RNF150: variants seen among roughly 807,000 people sequenced by gnomAD.
RNF150 encodes the protein ring finger protein 150.
A neutral mutation model predicts 39.3 loss-of-function variants in RNF150; 24 were observed. The ratio of observed to expected loss-of-function variants is 0.61; its 90% confidence interval spans 0.44 to 0.86. RNF150 has a LOEUF of 0.86. Among genes scored for constraint, RNF150 ranks in the 40% least tolerant of loss-of-function variants. The pLI is 0.00. For missense variants in RNF150, 502 were observed against 587.8 expected (o/e 0.85, Z 1.51); for synonymous variants, 255 against 227.3 (o/e 1.12, Z -1.10).
chr4:141,021,280 T>C (rs537491831), intron 1 of RNF150, among the ~76,000 whole-genome samples: 1 of 152,078 alleles, frequency 6.6e-6, no homozygotes, highest in Non-Finnish European at 1.5e-5. Flanking sequence ...AAGACGATCA[T>C]AGAAATAAAA....
At chr4:141,104,779 TAA>T (rs1739141619) in intron 1 of RNF150, among the ~76,000 whole-genome samples, 1 of 152,232 alleles carries the variant, frequency 6.6e-6, no homozygotes, top group Non-Finnish European at 1.5e-5. Context: ...ATGAAGATTC[TAA>T]AGTACACCAG....
rs146326074 is a variant in RNF150 at position 141,035,573 on chromosome 4, T to A, written c.485-67700A>T. ...GACACTATCACTTCAGGAAATGTGT[T>A]ATCAGAACACGAGATAACAAGGCAG... On this transcript the variant is annotated intron_variant, in intron 1 of 6. Transcript: ENST00000515673. 2.9e-3 allele frequency among the ~76,000 whole-genome samples: 434 copies of A among 152,280 alleles called. 1 individual carries two copies. Among genetic ancestry groups the A allele is most frequent in the African/African-American group, 9.6e-3 (401 of 41,566 alleles).
At chr4:141,116,338 G>A (rs1739548970) in intron 1 of RNF150, among the ~76,000 whole-genome samples, 1 of 152,138 alleles carries the variant, frequency 6.6e-6, no homozygotes, top group South Asian at 2.1e-4. Flanking sequence ...CAAAGGATAT[G>A]AACAGACACT....
At chr4:141,170,622 G>A (rs1056401010) in intron 1 of RNF150, among the ~76,000 whole-genome samples, 1 of 152,040 alleles carries the variant, frequency 6.6e-6, no homozygotes, top group African/African-American at 2.4e-5. Flanking sequence ...CTGAGATAGG[G>A]TCATAACTTT....
intron 1 of RNF150, among the ~76,000 whole-genome samples, chr4:140,970,816 G>A (rs1355520827): frequency 6.6e-6 from 1 of 152,070 alleles, no homozygotes. Flanking sequence ...GCAGTGGGGA[G>A]GGCCTGTTCA....
At chr4:140,917,186 A>T (rs945253523) in intron 5 of RNF150, among the ~76,000 whole-genome samples, 8 of 152,226 alleles carry the variant, frequency 5.3e-5, no homozygotes, top group Non-Finnish European at 8.8e-5. Flanking sequence ...AAATTCACAC[A>T]TAACAATATT....
At chr4:141,169,422 ATTTC>A (rs1727663027) in intron 1 of RNF150, among the ~76,000 whole-genome samples, 1 of 152,154 alleles carries the variant, frequency 6.6e-6, no homozygotes, top group Admixed American at 6.5e-5. Flanking sequence ...AGTCTCAGGT[ATTTC>A]TTTATAGCAG....
chr4:140,914,154 G>C (rs1205260647), intron 5 of RNF150, among the ~76,000 whole-genome samples: 1 of 152,160 alleles, frequency 6.6e-6, no homozygotes, highest in African/African-American at 2.4e-5. Flanking sequence ...GGGATAGTAG[G>C]AATAGTGCTG....
chr4:141,116,014 C>T (rs550956221), intron 1 of RNF150, among the ~76,000 whole-genome samples: 126 of 152,148 alleles, frequency 8.3e-4, no homozygotes, highest in South Asian at 4.4e-3. Flanking sequence ...CAGACTTTAA[C>T]GTAAGACCTA....
intron 1 of RNF150, among the ~76,000 whole-genome samples, chr4:141,045,385 A>T (rs1388379173): frequency 1.1e-4 from 16 of 151,994 alleles, no homozygotes; most frequent in Admixed American, 1.0e-3. Flanking sequence ...CCTCTAAAGC[A>T]CTCTGCTGTG....
chr4:141,136,732 T>C (rs1195796476), upstream of RNF150, among the ~76,000 whole-genome samples: 1 of 152,244 alleles, frequency 6.6e-6, no homozygotes, highest in African/African-American at 2.4e-5. Context: ...GATAAGATTC[T>C]TGCTCTCATG....
intron 5 of RNF150, among the ~76,000 whole-genome samples, chr4:140,919,572 G>T (rs530721392): frequency 0.02 from 2,420 of 121,912 alleles, no homozygotes; most frequent in South Asian, 0.04. Flanking sequence ...CCATGCTCAT[G>T]GGTAGGAAGA....
At chr4:140,919,733 A>C (rs967650507) in intron 5 of RNF150, among the ~76,000 whole-genome samples, 1 of 150,636 alleles carries the variant, frequency 6.6e-6, no homozygotes, top group African/African-American at 2.4e-5. Context: ...TGCCAAGCCA[A>C]TCCTAAGCCA....
chr4:141,104,411 G>C (rs1739129127), intron 1 of RNF150, among the ~76,000 whole-genome samples: 1 of 152,152 alleles, frequency 6.6e-6, no homozygotes, highest in South Asian at 2.1e-4. Flanking sequence ...ATGGTAGTCA[G>C]AGCTGAGCAG....
rs1727148437 is a variant in RNF150, at chr4:141,143,103, C to G, written c.-6+69691G>C. Among the ~76,000 whole-genome samples the G allele has an allele frequency of 2.6e-5, 4 of 152,130 alleles. No individual in the cohort carries two copies. In the South Asian group the frequency reaches 8.3e-4, roughly 32 times the overall value. On this transcript the variant is annotated intron_variant, in intron 1 of 7. Coordinates refer to the RNF150 transcript ENST00000420921. ...CAGGCTGGTCGCAAACTCCTGAGCTCAGGCTATCCTCCCTCCTTGGCCTCC... is the reference window on the plus strand; with the variant it reads ...CAGGCTGGTCGCAAACTCCTGAGCTGAGGCTATCCTCCCTCCTTGGCCTCC...
At position 141,132,934 on chromosome 4, in the gene RNF150, G is replaced by C. The variant is rs967217402; in HGVS notation, c.-126C>G. 6 of 736,024 alleles carry C rather than the reference G, an allele frequency of 8.2e-6. No individual in the cohort carries two copies. The African/African-American group carries it at 9.5e-5, about 12-fold the overall frequency. 45.6% of individuals were successfully genotyped at this position (736,024 alleles called of 1,614,324 possible). On this transcript the variant is annotated 5_prime_UTR_variant, in exon 1 of 7. Coordinates refer to ENST00000515673, the MANE Select transcript of RNF150 (RefSeq NM_020724.2). The surrounding 1 kb of genome is among the most constrained non-coding windows in gnomAD (Gnocchi z 4.9). ...TGCTGCTCACTCCCGGGCCGGAGGGGCCGCGGCCGGGACGCGCAGCCGCCG... is the reference window on the plus strand; with the variant it reads ...TGCTGCTCACTCCCGGGCCGGAGGGCCCGCGGCCGGGACGCGCAGCCGCCG...
At chr4:140,933,302 A>C (rs1731720860) in intron 4 of RNF150, among the ~76,000 whole-genome samples, 1 of 152,222 alleles carries the variant, frequency 6.6e-6, no homozygotes, top group African/African-American at 2.4e-5. Flanking sequence ...GAGGAAAGAA[A>C]TTCAAAAAGA....
At chr4:140,980,582 A>G (rs746327189) in intron 1 of RNF150, among the ~76,000 whole-genome samples, 200 of 151,904 alleles carry the variant, frequency 1.3e-3, no homozygotes, top group Non-Finnish European at 2.0e-3. Context: ...GCTGGGTGGG[A>G]GGTAGTTGAA....
At position 140,976,080 on chromosome 4, in the gene RNF150, G is replaced by A. The variant is rs191582303; in HGVS notation, c.485-8207C>T. On this transcript the variant is annotated intron_variant, in intron 1 of 6. Transcript: ENST00000515673. ...TTAACCTTCTTGCTTTGATTGGTTCGGCTTTCCTATGAAGACACTGATTTC... is the reference window on the plus strand; with the variant it reads ...TTAACCTTCTTGCTTTGATTGGTTCAGCTTTCCTATGAAGACACTGATTTC... Among the ~76,000 whole-genome samples, 155 of 152,106 alleles carry A rather than the reference G, an allele frequency of 1.0e-3. 1 individual carries two copies. Among genetic ancestry groups the A allele is most frequent in the South Asian group, 6.0e-3 (29 of 4,804 alleles).
Sources: gnomAD v4.1 joint callset for allele counts (sites outside exome capture counted in the v4.1 genomes callset) on GRCh38, gnomAD v4.1.1 for gene constraint, Gnocchi (gnomAD v3.1) non-coding constraint, MANE v1.5 for transcripts, NCBI Gene and HGNC (gene_info 2026-07-23, HGNC 2026-07-21) for gene names.